ERCC6: variants seen among roughly 807,000 people sequenced by gnomAD.
The protein encoded by ERCC6 is DNA excision repair protein ERCC-6.
A neutral mutation model predicts 158.7 loss-of-function variants in ERCC6; 116 were observed. The ratio of observed to expected loss-of-function variants is 0.73; its 90% CI spans 0.63 to 0.85. The LOEUF (loss-of-function observed/expected upper bound fraction) is 0.85. Ranked by LOEUF, ERCC6 falls within the 40% of genes least tolerant of loss-of-function variation. The probability of loss-of-function intolerance (pLI) is 0.00; values close to 1 mark genes in which losing one functional copy is unlikely to be tolerated. For synonymous variants in ERCC6, 678 were observed against 659.3 expected (o/e 1.03, Z -0.43); for missense variants, 1,698 against 1,799.4 (o/e 0.94, Z 1.02).
At chr10:49,485,300 C>T (rs571163484) in intron 8 of ERCC6, among the ~76,000 whole-genome samples, 1 of 152,196 alleles carries the variant, frequency 6.6e-6, no homozygotes, top group Admixed American at 6.5e-5. Context: ...AGTCAGAATT[C>T]GAACGGAGAA....
chr10:49,451,176 A>G (rs1211717855), downstream of ERCC6, among the ~76,000 whole-genome samples: 1 of 72,086 alleles, frequency 1.4e-5, no homozygotes, highest in Non-Finnish European at 3.0e-5. Context: ...TAGTTTCAAT[A>G]GTTTTTTTTT....
At chr10:49,452,671 G>C (rs1167598559), downstream of ERCC6, among the ~76,000 whole-genome samples, 1 of 152,044 alleles carries the variant, frequency 6.6e-6, no homozygotes, top group Non-Finnish European at 1.5e-5. Context: ...CTGAAAATAG[G>C]TTATGGAGTC....
Position 49,472,357 on chromosome 10 carries a change from G to A in ERCC6, c.2924+19C>T, listed in dbSNP as rs898862681. 1 of 1,607,246 alleles carries A rather than the reference G, an allele frequency of 6.2e-7. No homozygotes were observed. Among genetic ancestry groups the A allele is most frequent in the South Asian group, 1.1e-5 (1 of 90,948 alleles). On this transcript the variant is annotated intron_variant, in intron 16 of 20. Transcript: ENST00000355832. ...ACTCTGGGAACGCACAGCCAAGAGT[G>A]GCCACTGTGTGCACTGACCGGTGGT...
rs1369148945 is a variant in ERCC6 at position 49,490,957 on chromosome 10, G to C, written c.1821+2160C>G. ...GTTAGAGGACGAATCACCACAAACA[G>C]AATTTTTGAAATATGAATAAGAAAC... On this transcript the variant is annotated intron_variant, in intron 8 of 20. Transcript: ENST00000355832. Among the ~76,000 whole-genome samples the C allele has an allele frequency of 2.0e-5, 3 of 152,266 alleles. No individual in the cohort carries two copies. The East Asian group carries it at 5.8e-4, about 29-fold the overall frequency.
At chr10:49,499,854 T>C (rs1851327104) in intron 7 of ERCC6, among the ~76,000 whole-genome samples, 1 of 152,220 alleles carries the variant, frequency 6.6e-6, no homozygotes, top group Admixed American at 6.5e-5. Flanking sequence ...AGAATAAAGA[T>C]TAACATCTAA....
At chr10:49,504,900 A>G (rs1484494879) in intron 6 of ERCC6, 5 of 152,136 alleles carry the variant, frequency 3.3e-5, no homozygotes, top group African/African-American at 9.7e-5. Context: ...CCCTACCCCA[A>G]TGGAGAGAAA....
At chr10:49,443,225 T>A in the ERCC6 span, among the ~76,000 whole-genome samples, 47 of 152,362 alleles carry the variant, frequency 3.1e-4, no homozygotes, top group African/African-American at 1.1e-3. Context: ...TACAATTACT[T>A]TCATAAATTA....
At chr10:49,528,301 G>T in intron 4 of ERCC6, 116 bp downstream of exon 4, 1 of 1,245,678 alleles carries the variant, frequency 8.0e-7, no homozygotes, top group Non-Finnish European at 1.2e-6. Context: ...TGACACTAAG[G>T]CAAAGAAACG....
chr10:49,452,478 G>A (rs1188605393), downstream of ERCC6, among the ~76,000 whole-genome samples: 7 of 151,918 alleles, frequency 4.6e-5, no homozygotes, highest in African/African-American at 9.7e-5. Context: ...CCTTTTAAAC[G>A]TATTGAAGTT....
chr10:49,470,914 A>G, intron 17 of ERCC6, 25 bp from the exon 18 acceptor site: 1 of 1,613,596 alleles, frequency 6.2e-7, no homozygotes, highest in Non-Finnish European at 8.5e-7. Context: ...AACACCACTA[A>G]TACTATATTG....
At chr10:49,505,833 G>A (rs1212937713) in intron 6 of ERCC6, 51 bp downstream of exon 6, 1 of 1,608,072 alleles carries the variant, frequency 6.2e-7, no homozygotes, top group Non-Finnish European at 8.5e-7. Context: ...ATGTTAATTT[G>A]TACATAATGG....
chr10:49,453,006 T>C (rs1369418292), downstream of ERCC6, among the ~76,000 whole-genome samples: 1 of 152,164 alleles, frequency 6.6e-6, no homozygotes, highest in Non-Finnish European at 1.5e-5. Context: ...AATGTATTTT[T>C]AATCCAATCT....
intron 1 of ERCC6, among the ~76,000 whole-genome samples, chr10:49,537,451 G>A (rs570742772): frequency 6.6e-6 from 1 of 151,190 alleles, no homozygotes; most frequent in Non-Finnish European, 1.5e-5. Context: ...TCCCCAAAGA[G>A]CTTAGAGTCT....
chr10:49,462,828 A>G (rs1284090148), intron 18 of ERCC6, among the ~76,000 whole-genome samples: 1 of 152,252 alleles, frequency 6.6e-6, no homozygotes, highest in African/African-American at 2.4e-5. Context: ...CACACTCTTG[A>G]CAAGCCTCTG....
At position 49,484,725 on chromosome 10, in the gene ERCC6, G is replaced by A. The variant is rs571099285; in HGVS notation, c.1822-1209C>T. On this transcript the variant is annotated intron_variant, in intron 8 of 20. Coordinates refer to ENST00000355832, the MANE Select transcript of ERCC6 (RefSeq NM_000124.4). ...ACTGCATTCCAGGCTAGACAACGGC[G>A]CAAGATCCTGACTCAAAAGAGAAAA... Among the ~76,000 whole-genome samples the A allele has an allele frequency of 5.3e-5, 8 of 152,274 alleles. No homozygotes were observed. The South Asian group carries it at 8.3e-4, about 16-fold the overall frequency.
intron 7 of ERCC6, among the ~76,000 whole-genome samples, chr10:49,494,537 G>C (rs1372052609): frequency 1.3e-5 from 2 of 152,032 alleles, no homozygotes; most frequent in Non-Finnish European, 1.5e-5. Flanking sequence ...CCTTTTTCCT[G>C]AAGAATCAGA....
chr10:49,485,288 G>A (rs1240653620), intron 8 of ERCC6, among the ~76,000 whole-genome samples: 1 of 152,170 alleles, frequency 6.6e-6, no homozygotes, highest in African/African-American at 2.4e-5. Context: ...GCTAAGTGGT[G>A]GAGTCAGAAT....
rs786205168 is a variant in ERCC6, at chr10:49,505,891, GC to G, written c.1518del (p.Lys506AsnfsTer37). On this transcript the variant is annotated frameshift_variant, in exon 6 of 21. Transcript: ENST00000355832. LOFTEE classifies it high-confidence loss of function. ...GFKVPGFLFK[K>X]LFKYQQTGVR... The stretch of plus-strand genomic sequence containing the variant: ...AGAACATATGGTACATACTTAAAAA[GC>G]TTTTTGAACAGAAAACCTGGCACTT... 4 of 1,613,080 alleles carry G rather than the reference GC, an allele frequency of 2.5e-6. No individual in the cohort carries two copies. The highest frequency in any genetic ancestry group is 2.7e-5 in the African/African-American group (2 of 74,968).
chr10:49,503,823 T>G (rs1481676960), intron 6 of ERCC6: 2 of 152,212 alleles, frequency 1.3e-5, no homozygotes, highest in African/African-American at 2.4e-5. Context: ...TAAAAAAATT[T>G]ATTCTGCTAT....
Sources: allele counts gnomAD v4.1 joint callset (sites outside exome capture counted in the v4.1 genomes callset), GRCh38; gene constraint gnomAD v4.1.1; transcripts MANE v1.5; gene names NCBI Gene and HGNC (gene_info 2026-07-23, HGNC 2026-07-21).